Variants in RTN4 observed in about 807,000 individuals in gnomAD.
The protein encoded by RTN4 is reticulon 4.
Under a neutral mutation model 90.4 loss-of-function variants are expected in RTN4, and 32 were observed. That is an observed-to-expected ratio of 0.35 (90% confidence interval 0.27 to 0.48). RTN4 has a LOEUF of 0.48. Among genes scored for constraint, RTN4 ranks in the 20% least tolerant of loss-of-function variants. The pLI is 0.99. For missense variants in RTN4, 1,706 were observed against 1,430.2 expected, an observed-to-expected ratio of 1.19 and a Z score of -3.11; for synonymous variants, 629 against 552.5, an observed-to-expected ratio of 1.14 and a Z score of -1.94.
At chr2:55,012,513 C>T (rs565974700) in intron 3 of RTN4, among the ~76,000 whole-genome samples, 1 of 152,176 alleles carries the variant, frequency 6.6e-6, no homozygotes, top group South Asian at 2.1e-4. Flanking sequence ...CAAAAAAGTG[C>T]TTAAATCTGA....
At chr2:55,091,511 T>G (rs1668934525) in intron 1 of RTN4, among the ~76,000 whole-genome samples, 1 of 152,214 alleles carries the variant, frequency 6.6e-6, no homozygotes, top group Admixed American at 6.5e-5. Flanking sequence ...ATTACAAATT[T>G]TTCATCTTCC....
At chr2:55,119,096 G>A in the RTN4 span, among the ~76,000 whole-genome samples, 4 of 152,230 alleles carry the variant, frequency 2.6e-5, no homozygotes, top group African/African-American at 9.6e-5. Flanking sequence ...TACAAGGGAA[G>A]GAGACAGAGG....
the RTN4 span, among the ~76,000 whole-genome samples, chr2:55,130,588 G>C: frequency 6.6e-6 from 1 of 152,006 alleles, no homozygotes; most frequent in Admixed American, 6.6e-5. Flanking sequence ...AAATCTCTAC[G>C]AAAAATACAA....
At chr2:54,985,595 T>C (rs1439278220) in intron 4 of RTN4, among the ~76,000 whole-genome samples, 1 of 152,176 alleles carries the variant, frequency 6.6e-6, no homozygotes, top group Non-Finnish European at 1.5e-5. Flanking sequence ...AATATGTACA[T>C]AAAAGGTTAG....
intron 5 of RTN4, among the ~76,000 whole-genome samples, chr2:54,977,182 C>A (rs1229815338): frequency 6.6e-6 from 1 of 152,232 alleles, no homozygotes; most frequent in Non-Finnish European, 1.5e-5. Flanking sequence ...TTCCTGCACT[C>A]TCAAACTCTA....
At chr2:55,074,979 T>C (rs149608370) in intron 2 of RTN4, among the ~76,000 whole-genome samples, 203 of 152,328 alleles carry the variant, frequency 1.3e-3, no homozygotes, top group African/African-American at 4.8e-3. Context: ...TTATACCAAC[T>C]GGGGAAAAGT....
intron 2 of RTN4, among the ~76,000 whole-genome samples, chr2:55,062,872 G>T (rs1450516842): frequency 6.6e-6 from 1 of 152,188 alleles, no homozygotes; most frequent in Non-Finnish European, 1.5e-5. Context: ...TTTTAACAGT[G>T]TGTATAAAAT....
chr2:55,070,365 G>A (rs1190189049), intron 2 of RTN4, among the ~76,000 whole-genome samples: 1 of 151,524 alleles, frequency 6.6e-6, no homozygotes. Flanking sequence ...TCAACATAGC[G>A]AGATCTTGTC....
chr2:54,978,155 C>T (rs1677799797), intron 5 of RTN4, among the ~76,000 whole-genome samples: 1 of 152,176 alleles, frequency 6.6e-6, no homozygotes, highest in South Asian at 2.1e-4. Flanking sequence ...GTAGGCTGGG[C>T]ATGGTGGCTC....
chr2:55,036,925 C>G (rs1252908846), intron 1 of RTN4, among the ~76,000 whole-genome samples: 7 of 152,102 alleles, frequency 4.6e-5, no homozygotes, highest in Non-Finnish European at 7.4e-5. Context: ...TCGTAAAGAT[C>G]TGAAGAGAAA....
intron 3 of RTN4, among the ~76,000 whole-genome samples, chr2:55,012,459 A>G (rs867723514): frequency 2.0e-4 from 30 of 152,320 alleles, no homozygotes; most frequent in African/African-American, 6.5e-4. Flanking sequence ...GTTCTTTCTC[A>G]CAAAGTTTTT....
chr2:55,066,210 T>TGG (rs1282472942), intron 2 of RTN4, among the ~76,000 whole-genome samples: 1 of 151,670 alleles, frequency 6.6e-6, no homozygotes, highest in Non-Finnish European at 1.5e-5. Flanking sequence ...TGTGTGTGTG[T>TGG]GTGTGTGTGT....
Position 55,027,302 on chromosome 2 carries a change from T to C in RTN4, c.797A>G (p.Gln266Arg). ...TTTAGAAGCTTCACTGACATTTTCT[T>C]GAAGTGTTCCTTCAGTGGGTAATAC... ...STVLPTEGTL[Q>R]ENVSEASKEV... The change falls in exon 3 of 9, where the codon CAA (glutamine) becomes CGA (arginine). Residue 266 changes from glutamine to arginine, a missense_variant. Gln to Arg is a conservative substitution (Grantham distance 43). Coordinates refer to ENST00000337526, the MANE Select transcript of RTN4 (RefSeq NM_020532.5). 1 of 1,613,752 alleles carries C rather than the reference T, an allele frequency of 6.2e-7. No homozygotes were observed.
intron 4 of RTN4, among the ~76,000 whole-genome samples, chr2:54,983,471 T>G (rs1370059985): frequency 6.6e-6 from 1 of 152,158 alleles, no homozygotes; most frequent in African/African-American, 2.4e-5. Flanking sequence ...GTGCTGAGTG[T>G]TCCCTCGTAT....
intron 3 of RTN4, chr2:55,010,360 C>A: frequency 7.5e-7 from 1 of 1,325,018 alleles, no homozygotes; most frequent in Non-Finnish European, 9.7e-7. Context: ...TTAATGCTTT[C>A]CTTCTATCTG....
chr2:55,021,048 A>G (rs1366771669), intron 3 of RTN4, among the ~76,000 whole-genome samples: 2 of 152,208 alleles, frequency 1.3e-5, no homozygotes, highest in East Asian at 3.8e-4. Flanking sequence ...GGAAATTAGT[A>G]TTTTATTATT....
intron 1 of RTN4, among the ~76,000 whole-genome samples, chr2:55,096,224 G>T (rs1171742627): frequency 6.6e-6 from 1 of 152,108 alleles, no homozygotes; most frequent in African/African-American, 2.4e-5. Flanking sequence ...TACTCAGGAG[G>T]CTGAGGCAGG....
chr2:55,041,566 A>C (rs1208210677), intron 1 of RTN4, among the ~76,000 whole-genome samples: 6 of 152,132 alleles, frequency 3.9e-5, no homozygotes, highest in Admixed American at 2.6e-4. Context: ...CCATACTACA[A>C]GAATATGACA....
At chr2:55,128,187 C>G in the RTN4 span, among the ~76,000 whole-genome samples, 4 of 152,130 alleles carry the variant, frequency 2.6e-5, no homozygotes, top group Admixed American at 2.0e-4. Context: ...CCTTTGAGGA[C>G]AGAGCATGTC....
Sources: gnomAD v4.1 joint callset for allele counts (sites outside exome capture counted in the v4.1 genomes callset) on GRCh38, gnomAD v4.1.1 for gene constraint, MANE v1.5 for transcripts, NCBI Gene and HGNC (gene_info 2026-07-23, HGNC 2026-07-21) for gene names.